The following RTN1 variants were observed in gnomAD, a reference collection of about 807,000 sequenced individuals.
RTN1 encodes reticulon-1.
Under a neutral mutation model 65.5 loss-of-function variants are expected in RTN1, and 25 were observed. The ratio of observed to expected loss-of-function variants is 0.38; its 90% CI spans 0.28 to 0.53. The LOEUF (loss-of-function observed/expected upper bound fraction) is 0.53, where lower values mean the gene tolerates loss of function less well. Ranked by LOEUF, RTN1 falls within the 20% of genes least tolerant of loss-of-function variation. The probability of loss-of-function intolerance (pLI) is 0.79; values close to 1 mark genes in which losing one functional copy is unlikely to be tolerated. For missense variants in RTN1, 983 were observed against 1,025.4 expected (o/e 0.96, Z 0.57); for synonymous variants, 471 against 447.6 (o/e 1.05, Z -0.66).
intron 1 of RTN1, among the ~76,000 whole-genome samples, chr14:59,757,288 T>A (rs1026501853): frequency 2.6e-5 from 4 of 152,140 alleles, no homozygotes; most frequent in Non-Finnish European, 5.9e-5. Flanking sequence ...TTCCCACATA[T>A]TTGGGAGGGA....
At chr14:59,748,064 T>C (rs1474056330) in intron 1 of RTN1, among the ~76,000 whole-genome samples, 1 of 152,060 alleles carries the variant, frequency 6.6e-6, no homozygotes, top group African/African-American at 2.4e-5. Flanking sequence ...ATTTTACAGA[T>C]GAGGAAACTG....
At chr14:59,654,318 C>A (rs1166460302) in intron 3 of RTN1, among the ~76,000 whole-genome samples, 1 of 151,738 alleles carries the variant, frequency 6.6e-6, no homozygotes, top group African/African-American at 2.4e-5. Flanking sequence ...GCCCCAGCTA[C>A]TCAGGAGGCT....
At chr14:59,602,985 T>C (rs1881625762) in intron 8 of RTN1, 80 bp downstream of exon 8, 5 of 1,040,036 alleles carry the variant, frequency 4.8e-6, no homozygotes, top group Non-Finnish European at 5.8e-6. Context: ...TTTACTATCT[T>C]CTCATTACCC....
Position 59,810,748 on chromosome 14 carries a change from G to T in RTN1, c.241+59642C>A, listed in dbSNP as rs915980423. 5.3e-5 allele frequency among the ~76,000 whole-genome samples: 8 copies of T among 152,280 alleles called. No individual in the cohort carries two copies. In the East Asian group the frequency reaches 1.2e-3, roughly 22 times the overall value. ...TGAACAGAATCTTCAATATTCATAG[G>T]AGTCAGCGAGGTGAAGAGGACAAGG... On this transcript the variant is annotated intron_variant, in intron 1 of 8. Coordinates refer to ENST00000267484, the MANE Select transcript of RTN1 (RefSeq NM_021136.3).
At chr14:59,662,116 A>T (rs1042321714) in intron 3 of RTN1, among the ~76,000 whole-genome samples, 6 of 151,558 alleles carry the variant, frequency 4.0e-5, no homozygotes, top group Non-Finnish European at 7.4e-5. Context: ...TTTTTATTTT[A>T]TTTTTTTATT....
At chr14:59,716,586 A>G (rs560516067) in intron 3 of RTN1, among the ~76,000 whole-genome samples, 2 of 152,322 alleles carry the variant, frequency 1.3e-5, no homozygotes, top group Admixed American at 1.3e-4. Flanking sequence ...CAGTACAGCG[A>G]TGTGAACATT....
chr14:59,760,243 G>A (rs1472027794), intron 1 of RTN1, among the ~76,000 whole-genome samples: 1 of 152,122 alleles, frequency 6.6e-6, no homozygotes, highest in Non-Finnish European at 1.5e-5. Context: ...TGTGTGTATA[G>A]ACTTATAGTT....
intron 1 of RTN1, among the ~76,000 whole-genome samples, chr14:59,751,529 T>G (rs1482680305): frequency 1.3e-5 from 2 of 152,090 alleles, no homozygotes; most frequent in Admixed American, 1.3e-4. Flanking sequence ...TAATAAGTAA[T>G]TATTCACCAG....
Position 59,846,633 on chromosome 14 carries a change from A to C in RTN1, c.241+23757T>G, listed in dbSNP as rs534304278. On this transcript the variant is annotated intron_variant, in intron 1 of 8. Coordinates refer to ENST00000267484, the MANE Select transcript of RTN1 (RefSeq NM_021136.3). The surrounding 1 kb of genome is among the most constrained non-coding windows in gnomAD (Gnocchi z 4.8). ...CCCATGACACAGGGAGTTTATTTAA[A>C]GTTTCACATTTTAAAACTATGTGTG... Among the ~76,000 whole-genome samples, 49 of 152,278 alleles carry C rather than the reference A, an allele frequency of 3.2e-4. No homozygotes were observed. The highest frequency in any genetic ancestry group is 5.7e-4 in the Non-Finnish European group (39 of 68,016).
At chr14:59,692,093 A>C (rs1406613519) in intron 3 of RTN1, among the ~76,000 whole-genome samples, 1 of 152,184 alleles carries the variant, frequency 6.6e-6, no homozygotes, top group Non-Finnish European at 1.5e-5. Flanking sequence ...GCAAACAGAC[A>C]AAAGAAAGAA....
rs553375162 is a variant in RTN1 at position 59,804,507 on chromosome 14, T to C, written c.242-58026A>G. On this transcript the variant is annotated intron_variant, in intron 1 of 8. Transcript: ENST00000267484. ...TGAATCTATCGATATTTTTAAAATA[T>C]ATTTTTAAAACTTGGCTCATAATTT... is the stretch of plus-strand genomic sequence containing the variant. Among the ~76,000 whole-genome samples the C allele has an allele frequency of 2.6e-5, 4 of 152,332 alleles. No homozygotes were observed. In the South Asian group the frequency reaches 6.2e-4, roughly 24 times the overall value.
chr14:59,734,721 GA>G (rs1884969366), intron 2 of RTN1, among the ~76,000 whole-genome samples: 1 of 152,172 alleles, frequency 6.6e-6, no homozygotes, highest in African/African-American at 2.4e-5. Flanking sequence ...AAACCTCTGA[GA>G]AATATAGAAT....
intron 2 of RTN1, 143 bp downstream of exon 2, chr14:59,745,560 TAATTA>T (rs1308603642): frequency 1.3e-5 from 8 of 614,028 alleles, no homozygotes; most frequent in African/African-American, 1.9e-5. Context: ...CTTTGAATAT[TAATTA>T]AATTAGTTAA....
At chr14:59,695,296 A>G (rs537059629) in intron 3 of RTN1, among the ~76,000 whole-genome samples, 1 of 152,290 alleles carries the variant, frequency 6.6e-6, no homozygotes, top group East Asian at 1.9e-4. Context: ...GAGGATGTGA[A>G]CAAACAACTA....
chr14:59,731,784 T>C (rs1172708899), intron 2 of RTN1, among the ~76,000 whole-genome samples: 4 of 152,166 alleles, frequency 2.6e-5, no homozygotes, highest in Non-Finnish European at 4.4e-5. Context: ...TTTCTTCAGA[T>C]TTTCCTCCTA....
intron 1 of RTN1, among the ~76,000 whole-genome samples, chr14:59,751,723 C>T (rs1822436638): frequency 6.6e-6 from 1 of 152,176 alleles, no homozygotes; most frequent in South Asian, 2.1e-4. Context: ...GCTCCTGGCC[C>T]TGATTACCTA....
Position 59,727,825 on chromosome 14 carries a change from A to T in RTN1, c.1016-157T>A. 1 of 1,120,032 alleles carries T rather than the reference A, an allele frequency of 8.9e-7. No individual in the cohort carries two copies. The allele number at this position is 1,120,032 out of a possible 1,614,324, so 69.4% of individuals were successfully genotyped here. Reference sequence around the variant, plus strand: ...ATTAGCACAAAAATAATCTGTTTCCAGGGCTATGCTGGAAAGACAGGCCAC... The same window carrying T: ...ATTAGCACAAAAATAATCTGTTTCCTGGGCTATGCTGGAAAGACAGGCCAC... On this transcript the variant is annotated intron_variant, in intron 2 of 8. Coordinates refer to ENST00000267484, the MANE Select transcript of RTN1 (RefSeq NM_021136.3). This position sits in a 1 kb window ranked among gnomAD's most constrained non-coding sequence, Gnocchi z 4.2.
chr14:59,650,795 T>C (rs1883004165), intron 3 of RTN1, among the ~76,000 whole-genome samples: 1 of 152,178 alleles, frequency 6.6e-6, no homozygotes, highest in Admixed American at 6.5e-5. Context: ...TGCTCATGAA[T>C]AGGAAGACTC....
At chr14:59,814,460 C>T (rs1228827925) in intron 1 of RTN1, among the ~76,000 whole-genome samples, 4 of 152,270 alleles carry the variant, frequency 2.6e-5, no homozygotes, top group East Asian at 1.9e-4. Context: ...GCTCTACATC[C>T]GAAAGCACAG....
Sources: gnomAD v4.1 joint callset for allele counts (sites outside exome capture counted in the v4.1 genomes callset) on GRCh38, gnomAD v4.1.1 for gene constraint, Gnocchi (gnomAD v3.1) non-coding constraint, MANE v1.5 for transcripts, NCBI Gene and HGNC (gene_info 2026-07-23, HGNC 2026-07-21) for gene names.